ALK: variants seen among roughly 807,000 people sequenced by gnomAD.
The protein encoded by ALK is ALK tyrosine kinase receptor.
Under a neutral mutation model 163.1 loss-of-function variants are expected in ALK, and 74 were observed. The ratio of observed to expected loss-of-function variants is 0.45; its 90% CI spans 0.38 to 0.55. The LOEUF (loss-of-function observed/expected upper bound fraction) is 0.55. Ranked by LOEUF, ALK falls within the 20% of genes least tolerant of loss-of-function variation. The pLI, the probability that ALK is intolerant of heterozygous loss-of-function variation, is 0.00. For synonymous variants in ALK, 960 were observed against 843.2 expected, an observed-to-expected ratio of 1.14 and a Z score of -2.40; for missense variants, 2,063 against 2,105.3, an observed-to-expected ratio of 0.98 and a Z score of 0.39.
At chr2:29,918,912 C>A (rs1667906743) in intron 1 of ALK, among the ~76,000 whole-genome samples, 2 of 152,182 alleles carry the variant, frequency 1.3e-5, no homozygotes, top group South Asian at 4.1e-4. Context: ...GATTTCTTTT[C>A]TGTGCCTTTC....
At chr2:29,530,593 G>T (rs1673095358) in intron 4 of ALK, among the ~76,000 whole-genome samples, 2 of 152,222 alleles carry the variant, frequency 1.3e-5, no homozygotes, top group South Asian at 4.1e-4. Context: ...CAGAATATGA[G>T]GCTGGGCAAA....
chr2:29,380,398 C>T (rs112398344), intron 5 of ALK, among the ~76,000 whole-genome samples: 9,065 of 151,934 alleles, frequency 0.06, 530 homozygotes, highest in East Asian at 0.31. Flanking sequence ...GCCACCTTGC[C>T]TGGCTGCTGC....
chr2:29,912,015 A>C (rs1230399542), intron 1 of ALK, among the ~76,000 whole-genome samples: 1 of 152,206 alleles, frequency 6.6e-6, no homozygotes, highest in East Asian at 1.9e-4. Context: ...AATGGAGATA[A>C]CAGAGGAAAG....
chr2:29,359,636 G>C (rs1485768639), intron 5 of ALK, among the ~76,000 whole-genome samples: 2 of 152,188 alleles, frequency 1.3e-5, no homozygotes, highest in Non-Finnish European at 2.9e-5. Context: ...GGGATCAATA[G>C]ACACTCTAGC....
At chr2:29,867,949 C>T (rs1435143646) in intron 1 of ALK, among the ~76,000 whole-genome samples, 3 of 152,142 alleles carry the variant, frequency 2.0e-5, no homozygotes, top group Non-Finnish European at 4.4e-5. Context: ...GACCTCATTT[C>T]CATTGGAAGG....
At chr2:29,689,772 T>C (rs571527047) in intron 3 of ALK, among the ~76,000 whole-genome samples, 3 of 152,214 alleles carry the variant, frequency 2.0e-5, no homozygotes, top group Non-Finnish European at 2.9e-5. Context: ...CATGCTGGAC[T>C]TAAGGTGGGC....
At chr2:29,529,743 C>T (rs1293686644) in intron 4 of ALK, among the ~76,000 whole-genome samples, 1 of 152,248 alleles carries the variant, frequency 6.6e-6, no homozygotes, top group African/African-American at 2.4e-5. Context: ...GGTGAGGAGG[C>T]TGGTCCAGGC....
chr2:29,347,059 GT>G (rs1293412583), intron 5 of ALK, among the ~76,000 whole-genome samples: 2 of 152,074 alleles, frequency 1.3e-5, no homozygotes, highest in Non-Finnish European at 2.9e-5. Flanking sequence ...AGCACTCTCC[GT>G]TTTTTGTAGT....
intron 3 of ALK, among the ~76,000 whole-genome samples, chr2:29,548,655 TC>T (rs1223837289): frequency 1.1e-4 from 17 of 152,102 alleles, no homozygotes; most frequent in African/African-American, 4.1e-4. Context: ...AGCACAGGGA[TC>T]CCGCCTGTCT....
At chr2:29,884,201 C>T (rs1666934810) in intron 1 of ALK, among the ~76,000 whole-genome samples, 1 of 152,118 alleles carries the variant, frequency 6.6e-6, no homozygotes, top group Non-Finnish European at 1.5e-5. Context: ...AGTTTTCTCT[C>T]CAGTAAATTT....
At chr2:29,697,339 GGA>G (rs900174618) in intron 2 of ALK, among the ~76,000 whole-genome samples, 4 of 152,132 alleles carry the variant, frequency 2.6e-5, no homozygotes, top group Non-Finnish European at 5.9e-5. Context: ...CATTGGGTAA[GGA>G]GAGAGAGAAA....
At chr2:29,622,944 C>A (rs576987004) in intron 3 of ALK, among the ~76,000 whole-genome samples, 2 of 152,170 alleles carry the variant, frequency 1.3e-5, no homozygotes, top group African/African-American at 4.8e-5. Flanking sequence ...TCCTCTAGAA[C>A]GTGGCAGAAC....
chr2:29,776,111 A>G (rs1246505509), intron 1 of ALK, among the ~76,000 whole-genome samples: 1 of 152,028 alleles, frequency 6.6e-6, no homozygotes, highest in Non-Finnish European at 1.5e-5. Flanking sequence ...GCAAGGCATG[A>G]TGTGAGGCAC....
chr2:29,352,351 C>T (rs1668139241), intron 5 of ALK, among the ~76,000 whole-genome samples: 1 of 152,214 alleles, frequency 6.6e-6, no homozygotes, highest in Non-Finnish European at 1.5e-5. Flanking sequence ...GCCTGTAATA[C>T]TTGCCGGAGC....
chr2:29,785,893 G>A (rs1664000253), intron 1 of ALK, among the ~76,000 whole-genome samples: 1 of 148,996 alleles, frequency 6.7e-6, no homozygotes, highest in Non-Finnish European at 1.5e-5. Context: ...ATTTACATAG[G>A]GGGAAATGTT....
chr2:29,688,028 A>G (rs1678287817), intron 3 of ALK, among the ~76,000 whole-genome samples: 3 of 152,230 alleles, frequency 2.0e-5, no homozygotes, highest in Admixed American at 2.0e-4. Context: ...GAATTTCTAT[A>G]AAGATATATC....
At chr2:29,633,392 A>C (rs981923184) in intron 3 of ALK, among the ~76,000 whole-genome samples, 2 of 152,186 alleles carry the variant, frequency 1.3e-5, no homozygotes, top group African/African-American at 4.8e-5. Context: ...GAACTAGATT[A>C]AAATCGAAAT....
intron 1 of ALK, among the ~76,000 whole-genome samples, chr2:29,907,483 T>C (rs927035059): frequency 2.6e-5 from 4 of 152,340 alleles, no homozygotes; most frequent in African/African-American, 9.6e-5. Context: ...CTCCGTGAAT[T>C]GCTCTTGGTC....
chr2:29,334,351 C>T (rs1157394967), intron 5 of ALK, among the ~76,000 whole-genome samples: 1 of 152,214 alleles, frequency 6.6e-6, no homozygotes, highest in Non-Finnish European at 1.5e-5. Flanking sequence ...GGGAATTGAA[C>T]TCATCCTGTG....
Sources: gnomAD v4.1 joint callset for allele counts (sites outside exome capture counted in the v4.1 genomes callset) on GRCh38, gnomAD v4.1.1 for gene constraint, MANE v1.5 for transcripts, NCBI Gene and HGNC (gene_info 2026-07-23, HGNC 2026-07-21) for gene names.